The following CAMTA1 variants were observed in gnomAD, a reference collection of about 807,000 sequenced individuals.
The protein encoded by CAMTA1 is calmodulin binding transcription activator 1, also known as calmodulin-binding transcription activator 1.
Under a neutral mutation model 170.9 loss-of-function variants are expected in CAMTA1, and 27 were observed. The ratio of observed to expected loss-of-function variants is 0.16; its 90% CI spans 0.12 to 0.22. CAMTA1 has a LOEUF of 0.22. Among genes scored for constraint, CAMTA1 ranks in the 10% least tolerant of loss-of-function variants. The probability of loss-of-function intolerance (pLI) is 1.00; values close to 1 mark genes in which losing one functional copy is unlikely to be tolerated. For synonymous variants in CAMTA1, 833 were observed against 891.5 expected (o/e 0.93, Z 1.17); for missense variants, 1,619 against 2,217.2 (o/e 0.73, Z 5.42).
chr1:7,533,043 G>T (rs1318967455), intron 6 of CAMTA1, among the ~76,000 whole-genome samples: 1 of 152,218 alleles, frequency 6.6e-6, no homozygotes. Context: ...TGAACCTACT[G>T]AGAGAAACAA....
At chr1:7,424,271 AT>A in intron 5 of CAMTA1, among the ~76,000 whole-genome samples, 1 of 152,118 alleles carries the variant, frequency 6.6e-6, no homozygotes, top group Non-Finnish European at 1.5e-5. Context: ...ATCAATAGAC[AT>A]TTTTTAAAAG....
At position 7,580,448 on chromosome 1, in the gene CAMTA1, G is replaced by A. The variant is rs561303737; in HGVS notation, c.511-59952G>A. The stretch of plus-strand genomic sequence containing the variant: ...TGAGGGGGCTGATGGGAGCCATGAT[G>A]AGGTCCCAGGGGTAGTGTGCCCCAC... On this transcript the variant is annotated intron_variant, in intron 6 of 22. Transcript: ENST00000303635. The surrounding 1 kb of genome is among the most constrained non-coding windows in gnomAD (Gnocchi z 4.3). 3.3e-5 allele frequency among the ~76,000 whole-genome samples: 5 copies of A among 152,140 alleles called. No homozygotes were observed. The highest frequency in any genetic ancestry group is 5.9e-5 in the Non-Finnish European group (4 of 68,002).
chr1:6,987,411 C>T (rs147744394), intron 3 of CAMTA1, among the ~76,000 whole-genome samples: 26 of 152,280 alleles, frequency 1.7e-4, no homozygotes, highest in African/African-American at 4.8e-4. Flanking sequence ...GTGATCTGCC[C>T]GCCTTGGCCT....
chr1:7,120,686 T>TC (rs1267648718), intron 4 of CAMTA1, among the ~76,000 whole-genome samples: 1 of 152,160 alleles, frequency 6.6e-6, no homozygotes, highest in Non-Finnish European at 1.5e-5. Context: ...TCTTAGGCTC[T>TC]CCCCACCACA....
chr1:7,422,963 A>C (rs2091659525), intron 5 of CAMTA1, among the ~76,000 whole-genome samples: 1 of 152,252 alleles, frequency 6.6e-6, no homozygotes, highest in South Asian at 2.1e-4. Flanking sequence ...TGCAAGATGC[A>C]TTTTCAGAGC....
chr1:7,045,454 A>G (rs1705218941), intron 3 of CAMTA1, among the ~76,000 whole-genome samples: 1 of 152,154 alleles, frequency 6.6e-6, no homozygotes, highest in Non-Finnish European at 1.5e-5. Flanking sequence ...AATACCTGAG[A>G]CTGCATGTCT....
intron 3 of CAMTA1, among the ~76,000 whole-genome samples, chr1:6,955,078 C>T (rs1290257561): frequency 1.3e-5 from 2 of 151,750 alleles, no homozygotes; most frequent in Non-Finnish European, 2.9e-5. Context: ...GAGTCTTCCA[C>T]TTTCATTAGC....
intron 6 of CAMTA1, among the ~76,000 whole-genome samples, chr1:7,490,689 G>A (rs772311503): frequency 6.6e-6 from 1 of 152,100 alleles, no homozygotes; most frequent in Admixed American, 6.5e-5. Flanking sequence ...CTCTGCCAGG[G>A]AGTGGCCAGT....
intron 5 of CAMTA1, among the ~76,000 whole-genome samples, chr1:7,302,772 CT>C (rs1349612934): frequency 6.6e-6 from 1 of 152,226 alleles, no homozygotes; most frequent in Non-Finnish European, 1.5e-5. Context: ...GGCTTCCCCG[CT>C]TGATGCCTTT....
At chr1:7,546,829 A>G (rs1163639575) in intron 6 of CAMTA1, among the ~76,000 whole-genome samples, 1 of 151,652 alleles carries the variant, frequency 6.6e-6, no homozygotes, top group African/African-American at 2.4e-5. Flanking sequence ...TTGATGCAGG[A>G]TTTCCATTTT....
chr1:7,633,709 G>A lies in CAMTA1; in HGVS notation c.511-6691G>A, dbSNP rs1459386822. Among the ~76,000 whole-genome samples, 3 of 152,252 alleles carry A rather than the reference G, an allele frequency of 2.0e-5. No individual in the cohort carries two copies. The highest frequency in any genetic ancestry group is 4.4e-5 in the Non-Finnish European group (3 of 68,048). ...CCCGGTTTTCAGTAAGTAGGATGGAGCCCCTGCCATGTGGCTGCCCCGCAG... is the reference window on the plus strand; with the variant it reads ...CCCGGTTTTCAGTAAGTAGGATGGAACCCCTGCCATGTGGCTGCCCCGCAG... On this transcript the variant is annotated intron_variant, in intron 6 of 22. Transcript: ENST00000303635. This position sits in a 1 kb window ranked among gnomAD's most constrained non-coding sequence, Gnocchi z 4.1.
intron 6 of CAMTA1, among the ~76,000 whole-genome samples, chr1:7,627,935 C>T (rs1273034481): frequency 2.0e-5 from 3 of 152,160 alleles, no homozygotes; most frequent in Non-Finnish European, 2.9e-5. Context: ...AGAGGGTCAT[C>T]TGAATTGTGT....
At chr1:6,960,727 T>C (rs1054102758) in intron 3 of CAMTA1, among the ~76,000 whole-genome samples, 1 of 152,200 alleles carries the variant, frequency 6.6e-6, no homozygotes, top group Non-Finnish European at 1.5e-5. Flanking sequence ...CTTTGTGTCA[T>C]TGTGCCTGGG....
chr1:7,527,243 G>T (rs1008674010), intron 6 of CAMTA1, among the ~76,000 whole-genome samples: 1 of 152,190 alleles, frequency 6.6e-6, no homozygotes, highest in African/African-American at 2.4e-5. Flanking sequence ...CTAAGGCTCC[G>T]GAAGGTGACC....
intron 21 of CAMTA1, 57 bp downstream of exon 21, chr1:7,752,590 C>A: frequency 1.5e-6 from 2 of 1,319,316 alleles, no homozygotes; most frequent in Non-Finnish European, 2.1e-6. Context: ...GCAACCCTGA[C>A]CTTCTTAACC....
chr1:7,257,000 A>G (rs543459905), intron 5 of CAMTA1, among the ~76,000 whole-genome samples: 3 of 149,452 alleles, frequency 2.0e-5, no homozygotes, highest in Non-Finnish European at 4.4e-5. Flanking sequence ...GGCACAAACA[A>G]ACCCCATTCA....
At chr1:7,727,931 G>T (rs899920767) in intron 11 of CAMTA1, among the ~76,000 whole-genome samples, 1 of 152,234 alleles carries the variant, frequency 6.6e-6, no homozygotes, top group African/African-American at 2.4e-5. Context: ...GCAACAGACC[G>T]CACTCCCTGG....
intron 5 of CAMTA1, among the ~76,000 whole-genome samples, chr1:7,306,567 A>T (rs1266568214): frequency 1.3e-5 from 2 of 151,942 alleles, no homozygotes; most frequent in African/African-American, 4.8e-5. Context: ...GGTTAGTCAA[A>T]TTTCCCAAAA....
At chr1:7,522,049 G>A (rs1469409485) in intron 6 of CAMTA1, among the ~76,000 whole-genome samples, 1 of 152,212 alleles carries the variant, frequency 6.6e-6, no homozygotes, top group African/African-American at 2.4e-5. Context: ...GGGTCCTGTG[G>A]TAGCTGCAGA....
Sources: gnomAD v4.1 joint callset for allele counts (sites outside exome capture counted in the v4.1 genomes callset) on GRCh38, gnomAD v4.1.1 for gene constraint, Gnocchi (gnomAD v3.1) non-coding constraint, MANE v1.5 for transcripts, NCBI Gene and HGNC (gene_info 2026-07-23, HGNC 2026-07-21) for gene names.